Variants in GPC5 observed in about 807,000 individuals in gnomAD.
GPC5 encodes the protein glypican-5.
In GPC5, 47 loss-of-function variants were observed where a neutral mutation model predicts 53.9. The ratio of observed to expected loss-of-function variants is 0.87; its 90% CI spans 0.69 to 1.11. The LOEUF (loss-of-function observed/expected upper bound fraction) is 1.11. Ranked by LOEUF, GPC5 falls within the 50% of genes most tolerant of loss-of-function variation. The pLI is 0.00. For missense variants in GPC5, 748 were observed against 713.1 expected (o/e 1.05, Z -0.56); for synonymous variants, 286 against 263.3 (o/e 1.09, Z -0.84).
At chr13:92,064,373 G>T (rs7994471) in intron 6 of GPC5, among the ~76,000 whole-genome samples, 65,825 of 151,978 alleles carry the variant, frequency 0.43, 15,814 homozygotes, top group East Asian at 0.79. Flanking sequence ...TAATTGGTCT[G>T]GGGTACAGGC....
At chr13:92,419,551 T>A (rs980727699) in intron 7 of GPC5, among the ~76,000 whole-genome samples, 10 of 152,182 alleles carry the variant, frequency 6.6e-5, no homozygotes, top group Non-Finnish European at 1.3e-4. Flanking sequence ...TTGAATACTG[T>A]CAAACTCACG....
chr13:92,712,475 C>G (rs1016407604), intron 7 of GPC5, among the ~76,000 whole-genome samples: 4 of 146,700 alleles, frequency 2.7e-5, no homozygotes, highest in Non-Finnish European at 6.0e-5. Context: ...AAAAAAAAAA[C>G]GGCAAAATCA....
intron 7 of GPC5, among the ~76,000 whole-genome samples, chr13:92,253,431 T>TA (rs34449669): frequency 1.1e-4 from 16 of 151,214 alleles, no homozygotes; most frequent in Admixed American, 7.9e-4. Flanking sequence ...TAACAGGAGT[T>TA]AAAAAAAAAT....
intron 7 of GPC5, among the ~76,000 whole-genome samples, chr13:92,668,999 C>T (rs1886661398): frequency 6.6e-6 from 1 of 151,936 alleles, no homozygotes; most frequent in Non-Finnish European, 1.5e-5. Context: ...GCAATATTCC[C>T]ATGTAAGTTT....
At chr13:91,675,342 G>A (rs79871812) in intron 2 of GPC5, among the ~76,000 whole-genome samples, 3,257 of 152,212 alleles carry the variant, frequency 0.021, 110 homozygotes, top group African/African-American at 0.07. Flanking sequence ...AAGATATATG[G>A]CACTAAATAT....
intron 7 of GPC5, among the ~76,000 whole-genome samples, chr13:92,815,442 C>T (rs145431885): frequency 2.0e-5 from 3 of 151,810 alleles, no homozygotes; most frequent in Admixed American, 6.5e-5. Context: ...GAGGGGTCAA[C>T]GTGGATGAAG....
chr13:92,417,678 A>T (rs1876374226), intron 7 of GPC5, among the ~76,000 whole-genome samples: 1 of 152,040 alleles, frequency 6.6e-6, no homozygotes, highest in Non-Finnish European at 1.5e-5. Flanking sequence ...TTCGAGGCCA[A>T]CCTGGACAAC....
intron 2 of GPC5, among the ~76,000 whole-genome samples, chr13:91,650,477 T>G (rs2034672900): frequency 6.6e-6 from 1 of 151,874 alleles, no homozygotes; most frequent in South Asian, 2.1e-4. Flanking sequence ...TCATCTTTGT[T>G]TAACTAGCTT....
intron 6 of GPC5, among the ~76,000 whole-genome samples, chr13:92,092,881 A>G (rs1402205591): frequency 6.6e-6 from 1 of 152,208 alleles, no homozygotes; most frequent in Non-Finnish European, 1.5e-5. Flanking sequence ...GAATACAAAG[A>G]GCAGAGAATA....
intron 5 of GPC5, among the ~76,000 whole-genome samples, chr13:91,899,027 A>G (rs1359237289): frequency 6.6e-6 from 1 of 152,196 alleles, no homozygotes; most frequent in South Asian, 2.1e-4. Context: ...TTACTATCAC[A>G]TTAGCATTAA....
At chr13:92,467,550 C>G (rs1878744931) in intron 7 of GPC5, among the ~76,000 whole-genome samples, 1 of 152,036 alleles carries the variant, frequency 6.6e-6, no homozygotes, top group African/African-American at 2.4e-5. Context: ...TTAATTCTTA[C>G]AGACATACAC....
At chr13:92,350,058 G>A (rs956405650) in intron 7 of GPC5, among the ~76,000 whole-genome samples, 12 of 152,174 alleles carry the variant, frequency 7.9e-5, no homozygotes, top group Admixed American at 3.9e-4. Context: ...TGTTTCTCTC[G>A]AGACACAGGA....
intron 7 of GPC5, among the ~76,000 whole-genome samples, chr13:92,673,853 A>C (rs569430627): frequency 6.6e-6 from 1 of 152,324 alleles, no homozygotes; most frequent in African/African-American, 2.4e-5. Flanking sequence ...GTTAAAAAAC[A>C]CTTTTCAAAT....
chr13:92,381,850 CAT>C (rs1383676108), intron 7 of GPC5, among the ~76,000 whole-genome samples: 651 of 36,834 alleles, frequency 0.018, 44 homozygotes, highest in Non-Finnish European at 0.029. Context: ...TGTATATGAT[CAT>C]ATATGATTAT....
intron 7 of GPC5, among the ~76,000 whole-genome samples, chr13:92,708,167 C>A (rs1888012605): frequency 6.6e-6 from 1 of 152,028 alleles, no homozygotes; most frequent in Admixed American, 6.6e-5. Flanking sequence ...ACTTCAAATC[C>A]AAAGATATAA....
At chr13:92,004,913 T>A (rs1231485673) in intron 6 of GPC5, among the ~76,000 whole-genome samples, 1 of 152,158 alleles carries the variant, frequency 6.6e-6, no homozygotes, top group Admixed American at 6.5e-5. Context: ...CACGTGAGAA[T>A]TATCGGAGCT....
intron 3 of GPC5, 55 bp from the exon 4 acceptor site, chr13:91,728,477 C>T: frequency 1.9e-6 from 3 of 1,546,202 alleles, no homozygotes; most frequent in Middle Eastern, 1.7e-4. Context: ...ACATCACATT[C>T]TCAGAAAGGT....
rs1225875137 is a variant in GPC5, at chr13:92,509,251, C to G, written c.1562-357031C>G. 3.9e-5 allele frequency among the ~76,000 whole-genome samples: 6 copies of G among 152,214 alleles called. 1 individual carries two copies. The South Asian group carries it at 1.0e-3, about 26-fold the overall frequency. On this transcript the variant is annotated intron_variant, in intron 7 of 7. Coordinates refer to ENST00000377067, the MANE Select transcript of GPC5 (RefSeq NM_004466.6). ...TCCTGATAGTTTTAACCCTCCTCTC[C>G]CTATCTTTTCTGTCTGCTCTAAGGG...
At chr13:91,459,610 G>A (rs751899640) in intron 2 of GPC5, among the ~76,000 whole-genome samples, 1 of 152,084 alleles carries the variant, frequency 6.6e-6, no homozygotes, top group Non-Finnish European at 1.5e-5. Context: ...CTCCAAGTCT[G>A]TTGGTAGAGT....
Sources: allele counts gnomAD v4.1 joint callset (sites outside exome capture counted in the v4.1 genomes callset), GRCh38; gene constraint gnomAD v4.1.1; transcripts MANE v1.5; gene names NCBI Gene and HGNC (gene_info 2026-07-23, HGNC 2026-07-21).